The following BBS4 variants were observed in gnomAD, a reference collection of about 807,000 sequenced individuals.
BBS4 encodes the protein Bardet-Biedl syndrome 4.
Under a neutral mutation model 71.4 loss-of-function variants are expected in BBS4, and 58 were observed. That is an observed-to-expected ratio of 0.81 (90% CI 0.66 to 1.01). The LOEUF (loss-of-function observed/expected upper bound fraction) is 1.01, where lower values mean the gene tolerates loss of function less well. BBS4 is among the 50% of genes least tolerant of loss of function. The pLI is 0.00. For synonymous variants in BBS4, 228 were observed against 216.8 expected, an observed-to-expected ratio of 1.05 and a Z score of -0.46; for missense variants, 660 against 607.9, an observed-to-expected ratio of 1.09 and a Z score of -0.90.
At chr15:72,720,321 G>GA (rs983913091) in intron 6 of BBS4, among the ~76,000 whole-genome samples, 48 of 148,550 alleles carry the variant, frequency 3.2e-4, no homozygotes, top group African/African-American at 9.4e-4. Flanking sequence ...CAGTTTCTAG[G>GA]AAAAAAAAAT....
At chr15:72,694,446 C>T (rs2065040786) in intron 1 of BBS4, among the ~76,000 whole-genome samples, 1 of 152,188 alleles carries the variant, frequency 6.6e-6, no homozygotes, top group East Asian at 1.9e-4. Flanking sequence ...TCGCCTTGGC[C>T]TCTCAAATAA....
chr15:72,689,215 ACT>A (rs2064937190), intron 1 of BBS4, among the ~76,000 whole-genome samples: 1 of 152,166 alleles, frequency 6.6e-6, no homozygotes, highest in Admixed American at 6.6e-5. Flanking sequence ...AAGACTCAAA[ACT>A]CACAGAATTT....
At chr15:72,714,220 CTTTTTTTTTTTTT>C (rs58123834) in intron 4 of BBS4, among the ~76,000 whole-genome samples, 13 of 98,448 alleles carry the variant, frequency 1.3e-4, no homozygotes, top group Non-Finnish European at 2.4e-4. Flanking sequence ...CACTCACTTA[CTTTTTTTTTTTTT>C]TTTTTTTTTT....
intron 1 of BBS4, chr15:72,686,626 C>T (rs2064848555): frequency 5.7e-6 from 7 of 1,228,282 alleles, no homozygotes; most frequent in Admixed American, 4.5e-5. Flanking sequence ...ATTTAACATG[C>T]CTGGAAGCTT....
In BBS4 at chr15:72,689,984, G is replaced by A. The variant is rs2064955487; in HGVS notation, c.24+3733G>A. On this transcript the variant is annotated intron_variant, in intron 1 of 15. Coordinates refer to ENST00000268057, the MANE Select transcript of BBS4 (RefSeq NM_033028.5). The stretch of plus-strand genomic sequence containing the variant: ...TGCCACCACGCCCAGCTAATTTTTT[G>A]TATTTTTAGTAGAGACGGGGTTTCA... Among the ~76,000 whole-genome samples the A allele has an allele frequency of 2.0e-5, 3 of 151,840 alleles. No individual in the cohort carries two copies. The South Asian group carries it at 6.2e-4, about 32-fold the overall frequency.
chr15:72,687,124 C>CTTTTTTTTTTTTTTTTTT (rs1458417621), intron 1 of BBS4, among the ~76,000 whole-genome samples: 34,073 of 75,730 alleles, frequency 0.45, 13,171 homozygotes, highest in Non-Finnish European at 0.53. Flanking sequence ...AAGACAGAAA[C>CTTTTTTTTTTTTTTTTTT]TTTTTTTTTT....
chr15:72,710,212 T>TTTA (rs1348948698), intron 3 of BBS4, among the ~76,000 whole-genome samples: 1 of 143,912 alleles, frequency 6.9e-6, no homozygotes, highest in Non-Finnish European at 1.5e-5. Context: ...TTTTTTTTTT[T>TTTA]TTTTTTTTGA....
intron 2 of BBS4, among the ~76,000 whole-genome samples, chr15:72,699,872 G>A (rs995429487): frequency 3.3e-5 from 5 of 152,114 alleles, no homozygotes; most frequent in Admixed American, 3.3e-4. Context: ...ATATACCACC[G>A]TTTGTCCATT....
At chr15:72,691,317 G>A (rs1435494639) in intron 1 of BBS4, among the ~76,000 whole-genome samples, 3 of 152,160 alleles carry the variant, frequency 2.0e-5, no homozygotes, top group African/African-American at 4.8e-5. Flanking sequence ...TTAAAATGTC[G>A]TATGTGTGCT....
At chr15:72,689,933 C>T (rs112835511) in intron 1 of BBS4, among the ~76,000 whole-genome samples, 17 of 152,026 alleles carry the variant, frequency 1.1e-4, no homozygotes, top group Non-Finnish European at 8.8e-5. Flanking sequence ...GCCTGAGCCT[C>T]CGGAGTAGCT....
chr15:72,726,941 T>C (rs1249787566), intron 8 of BBS4, among the ~76,000 whole-genome samples: 1 of 152,214 alleles, frequency 6.6e-6, no homozygotes, highest in Non-Finnish European at 1.5e-5. Context: ...ACTGAGAAGA[T>C]AGAGACCATT....
chr15:72,704,184 G>C (rs1234680661), intron 2 of BBS4, among the ~76,000 whole-genome samples: 1 of 152,116 alleles, frequency 6.6e-6, no homozygotes, highest in African/African-American at 2.4e-5. Context: ...ATATGAATGA[G>C]GTCTTTTTTA....
chr15:72,698,959 A>G (rs2065125199), intron 2 of BBS4, among the ~76,000 whole-genome samples: 1 of 152,172 alleles, frequency 6.6e-6, no homozygotes, highest in Non-Finnish European at 1.5e-5. Flanking sequence ...AACCACTGTC[A>G]CAGTCTTTGA....
At chr15:72,735,250 C>T (rs777661352) in intron 13 of BBS4, 68 bp downstream of exon 13, 9 of 1,243,474 alleles carry the variant, frequency 7.2e-6, no homozygotes, top group Non-Finnish European at 1.1e-5. Flanking sequence ...TGGTGCCATA[C>T]ATAGCATTGG....
chr15:72,717,060 T>A (rs1305040957), intron 6 of BBS4: 1 of 572,206 alleles, frequency 1.7e-6, no homozygotes, highest in Non-Finnish European at 3.1e-6. Flanking sequence ...AGCAGTTTGC[T>A]GACGAGCAGT....
Position 72,738,179 on chromosome 15 carries a change from T to TC in BBS4, c.*595dup, listed in dbSNP as rs1190695904. ...TTGCCCAAAGGGAATCCAGAACAAG[T>TC]CCCTCCCTGTATTTTGTTCTTGAGA... On this transcript the variant is annotated 3_prime_UTR_variant, in exon 16 of 16. Coordinates refer to ENST00000268057, the MANE Select transcript of BBS4 (RefSeq NM_033028.5). The TC allele has an allele frequency of 4.4e-6, 2 of 451,224 alleles. No homozygotes were observed. Among genetic ancestry groups the TC allele is most frequent in the Admixed American group, 4.8e-5 (2 of 42,022 alleles). The allele number at this position is 451,224 out of a possible 1,614,324, so 28.0% of individuals were successfully genotyped here.
intron 2 of BBS4, among the ~76,000 whole-genome samples, chr15:72,709,165 A>C (rs117089555): frequency 2.5e-3 from 387 of 152,246 alleles, no homozygotes; most frequent in South Asian, 9.8e-3. Flanking sequence ...CTTAATAAAC[A>C]CTTGCTTATT....
chr15:72,735,704 G>C, intron 13 of BBS4, 121 bp from the exon 14 acceptor site: 1 of 1,259,658 alleles, frequency 7.9e-7, no homozygotes. Context: ...TACCTACCTT[G>C]CTGCATAATG....
chr15:72,686,267 C>T lies in BBS4; in HGVS notation c.24+16C>T, dbSNP rs377301298. 4 of 1,563,836 alleles carry T rather than the reference C, an allele frequency of 2.6e-6. No homozygotes were observed. Among genetic ancestry groups the T allele is most frequent in the Non-Finnish European group, 3.5e-6 (4 of 1,154,686 alleles). ...AGTCGCGACGGTGAGCGCCGAGATTCTCTTTAGTTGCCCGGCCGCAGGGCA... is the reference window on the plus strand; with the variant it reads ...AGTCGCGACGGTGAGCGCCGAGATTTTCTTTAGTTGCCCGGCCGCAGGGCA... On this transcript the variant is annotated intron_variant, in intron 1 of 15. Coordinates refer to ENST00000268057, the MANE Select transcript of BBS4 (RefSeq NM_033028.5).
Sources: allele counts gnomAD v4.1 joint callset (sites outside exome capture counted in the v4.1 genomes callset), GRCh38; gene constraint gnomAD v4.1.1; transcripts MANE v1.5; gene names NCBI Gene and HGNC (gene_info 2026-07-23, HGNC 2026-07-21).